PDE3A: variants seen among roughly 807,000 people sequenced by gnomAD.
PDE3A encodes cGMP-inhibited 3',5'-cyclic phosphodiesterase 3A.
PDE3A carries 43 observed loss-of-function variants against 98.3 expected under a neutral mutation model. The ratio of observed to expected loss-of-function variants is 0.44; its 90% CI spans 0.34 to 0.56. The LOEUF (loss-of-function observed/expected upper bound fraction) is 0.56. Among genes scored for constraint, PDE3A ranks in the 20% least tolerant of loss-of-function variants. PDE3A has a pLI of 0.01. For missense variants in PDE3A, 1,427 were observed against 1,440.7 expected, an observed-to-expected ratio of 0.99 and a Z score of 0.15; for synonymous variants, 663 against 567.9, an observed-to-expected ratio of 1.17 and a Z score of -2.38.
intron 1 of PDE3A, among the ~76,000 whole-genome samples, chr12:20,521,224 G>C (rs191720582): frequency 1.2e-3 from 178 of 151,752 alleles, no homozygotes; most frequent in Admixed American, 3.9e-3. Context: ...GAAGGAAATA[G>C]GTGGATATAG....
At chr12:20,508,912 T>C (rs942321569) in intron 1 of PDE3A, among the ~76,000 whole-genome samples, 1 of 152,040 alleles carries the variant, frequency 6.6e-6, no homozygotes, top group African/African-American at 2.4e-5. Flanking sequence ...AGTTTTATTC[T>C]TGGAGATGCC....
intron 1 of PDE3A, among the ~76,000 whole-genome samples, chr12:20,431,642 A>G (rs368242514): frequency 4.6e-4 from 64 of 138,256 alleles, no homozygotes; most frequent in African/African-American, 1.6e-3. Context: ...CGCACGCACA[A>G]ATGCATGCAC....
In PDE3A at chr12:20,552,381, T is replaced by C. The variant is rs112599355; in HGVS notation, c.961-4279T>C. 72,165 of 1,612,730 alleles carry C rather than the reference T, an allele frequency of 0.045. 1,833 individuals carry two copies. Among genetic ancestry groups the C allele is most frequent in the Middle Eastern group, 0.067 (389 of 5,822 alleles). On this transcript the variant is annotated intron_variant, in intron 1 of 15. Transcript: ENST00000359062. This position sits in a 1 kb window ranked among gnomAD's most constrained non-coding sequence, Gnocchi z 5.1. ...GGCGCTACCTTCTGCGGAGGGACGA[T>C]GATGAGCCCGGCCCTTGGACGAAGG... is the stretch of plus-strand genomic sequence containing the variant.
At chr12:20,635,856 A>G (rs1944500815) in intron 8 of PDE3A, among the ~76,000 whole-genome samples, 1 of 151,926 alleles carries the variant, frequency 6.6e-6, no homozygotes, top group South Asian at 2.1e-4. Flanking sequence ...ACATATCAAT[A>G]TATTTTTTCT....
chr12:20,492,333 G>A (rs1025788438), intron 1 of PDE3A, among the ~76,000 whole-genome samples: 1 of 152,132 alleles, frequency 6.6e-6, no homozygotes, highest in Non-Finnish European at 1.5e-5. Context: ...TAGTGGGGGA[G>A]GCAGGAAGTA....
chr12:20,487,324 T>C (rs1316118878), intron 1 of PDE3A, among the ~76,000 whole-genome samples: 1 of 151,818 alleles, frequency 6.6e-6, no homozygotes, highest in Non-Finnish European at 1.5e-5. Context: ...AGTTAAAGTA[T>C]CACATACATT....
intron 2 of PDE3A, among the ~76,000 whole-genome samples, chr12:20,602,465 G>T (rs1322627622): frequency 6.6e-6 from 1 of 152,150 alleles, no homozygotes; most frequent in Non-Finnish European, 1.5e-5. Context: ...ACCAATTTTT[G>T]ACTTGTTTGC....
chr12:20,391,775 C>G (rs542183167), intron 1 of PDE3A, among the ~76,000 whole-genome samples: 2 of 151,900 alleles, frequency 1.3e-5, no homozygotes, highest in East Asian at 1.9e-4. Context: ...TTTGTTCTCC[C>G]CTTTTCCCCT....
intron 1 of PDE3A, among the ~76,000 whole-genome samples, chr12:20,411,028 G>A (rs970412383): frequency 6.6e-6 from 1 of 152,108 alleles, no homozygotes; most frequent in South Asian, 2.1e-4. Flanking sequence ...TTTCATAGCA[G>A]CACCATTTAC....
chr12:20,510,478 G>A (rs1946200955), intron 1 of PDE3A, among the ~76,000 whole-genome samples: 1 of 152,078 alleles, frequency 6.6e-6, no homozygotes, highest in Non-Finnish European at 1.5e-5. Flanking sequence ...GAGAGAAATA[G>A]CGGAAAGTAG....
intron 1 of PDE3A, among the ~76,000 whole-genome samples, chr12:20,469,881 G>T (rs577911555): frequency 6.6e-6 from 1 of 152,262 alleles, no homozygotes; most frequent in South Asian, 2.1e-4. Flanking sequence ...GAAGTTAAAG[G>T]TCAGTGTTCA....
chr12:20,663,137 T>C (rs1484319738), intron 15 of PDE3A, among the ~76,000 whole-genome samples: 1 of 152,156 alleles, frequency 6.6e-6, no homozygotes, highest in Non-Finnish European at 1.5e-5. Context: ...GTCTGTGGTG[T>C]GCAGAAGACA....
chr12:20,667,532 C>T (rs1346336552), intron 15 of PDE3A, among the ~76,000 whole-genome samples: 1 of 152,158 alleles, frequency 6.6e-6, no homozygotes, highest in Non-Finnish European at 1.5e-5. Flanking sequence ...AAAAAGATGT[C>T]CTTTCTTCAA....
At chr12:20,545,777 C>CAAAAAAA (rs5796868) in intron 1 of PDE3A, among the ~76,000 whole-genome samples, 1 of 141,082 alleles carries the variant, frequency 7.1e-6, no homozygotes, top group Non-Finnish European at 1.5e-5. Flanking sequence ...TAGTGGCTGC[C>CAAAAAAA]AAAAAAAAAA....
At chr12:20,606,338 T>G (rs1400367890) in intron 2 of PDE3A, among the ~76,000 whole-genome samples, 1 of 152,204 alleles carries the variant, frequency 6.6e-6, no homozygotes, top group Non-Finnish European at 1.5e-5. Flanking sequence ...GCAAATAATC[T>G]GATATGTTAC....
chr12:20,614,715 T>C (rs1475603365), intron 3 of PDE3A, among the ~76,000 whole-genome samples: 2 of 152,196 alleles, frequency 1.3e-5, no homozygotes. Context: ...GAGTTTTCTC[T>C]TCCAACTGAA....
intron 13 of PDE3A, among the ~76,000 whole-genome samples, chr12:20,649,388 A>T (rs1944863968): frequency 6.6e-6 from 1 of 152,194 alleles, no homozygotes; most frequent in South Asian, 2.1e-4. Context: ...CTGAATCTAG[A>T]TGCCCAAGAA....
chr12:20,500,773 T>C lies in PDE3A; in HGVS notation c.961-55887T>C, dbSNP rs1248640292. Among the ~76,000 whole-genome samples, 4 of 150,374 alleles carry C rather than the reference T, an allele frequency of 2.7e-5. No homozygotes were observed. In the East Asian group the frequency reaches 5.8e-4, roughly 22 times the overall value. Reference sequence around the variant, plus strand: ...GAGGCTTTCATTCTTTCTTTCTTTTTTTTTTTTTTTTTGAGACAAGGTCTT... The same window carrying C: ...GAGGCTTTCATTCTTTCTTTCTTTTCTTTTTTTTTTTTGAGACAAGGTCTT... On this transcript the variant is annotated intron_variant, in intron 1 of 15. Coordinates refer to ENST00000359062, the MANE Select transcript of PDE3A (RefSeq NM_000921.5).
intron 6 of PDE3A, among the ~76,000 whole-genome samples, chr12:20,631,772 CAA>C (rs1398218374): frequency 7.5e-6 from 1 of 133,824 alleles, no homozygotes; most frequent in East Asian, 2.5e-4. Flanking sequence ...CAGAGAAAAA[CAA>C]GAGGATTTCA....
Sources: allele counts gnomAD v4.1 joint callset (sites outside exome capture counted in the v4.1 genomes callset), GRCh38; gene constraint gnomAD v4.1.1; non-coding constraint Gnocchi (gnomAD v3.1); transcripts MANE v1.5; gene names NCBI Gene and HGNC (gene_info 2026-07-23, HGNC 2026-07-21).